Variants in ANKFN1 observed in about 807,000 individuals in gnomAD.
ANKFN1 encodes ankyrin repeat and fibronectin type-III domain-containing protein 1.
Under a neutral mutation model 108.7 loss-of-function variants are expected in ANKFN1, and 74 were observed. The ratio of observed to expected loss-of-function variants is 0.68; its 90% CI spans 0.56 to 0.83. ANKFN1 has a LOEUF of 0.83. Among genes scored for constraint, ANKFN1 ranks in the 40% least tolerant of loss-of-function variants. The probability of loss-of-function intolerance (pLI) is 0.00; values close to 1 mark genes in which losing one functional copy is unlikely to be tolerated. For missense variants in ANKFN1, 1,505 were observed against 1,382.3 expected (o/e 1.09, Z -1.41); for synonymous variants, 547 against 516.2 (o/e 1.06, Z -0.81).
chr17:56,305,925 T>C (rs565485145), intron 3 of ANKFN1, among the ~76,000 whole-genome samples: 2 of 152,306 alleles, frequency 1.3e-5, no homozygotes, highest in South Asian at 4.1e-4. Flanking sequence ...CTTTTCTATG[T>C]TGGATAATTT....
At chr17:56,381,829 C>T (rs1234403405) in intron 8 of ANKFN1, among the ~76,000 whole-genome samples, 15 of 152,084 alleles carry the variant, frequency 9.9e-5, no homozygotes, top group South Asian at 4.2e-4. Flanking sequence ...CTGAATGTGA[C>T]GGGGAGAATG....
At chr17:56,443,826 GC>G (rs1236151552) in intron 10 of ANKFN1, among the ~76,000 whole-genome samples, 1 of 152,170 alleles carries the variant, frequency 6.6e-6, no homozygotes, top group Non-Finnish European at 1.5e-5. Context: ...TATGTAATGA[GC>G]CCAGTACTCT....
chr17:56,221,096 G>A (rs1915866343), intron 2 of ANKFN1, among the ~76,000 whole-genome samples: 1 of 152,140 alleles, frequency 6.6e-6, no homozygotes, highest in Non-Finnish European at 1.5e-5. Context: ...GGGGAAGCAG[G>A]CAGGTCACAT....
intron 6 of ANKFN1, among the ~76,000 whole-genome samples, chr17:56,371,982 C>T (rs1365558535): frequency 1.3e-5 from 2 of 152,176 alleles, no homozygotes; most frequent in Non-Finnish European, 2.9e-5. Flanking sequence ...TACCATTACA[C>T]CACAATCAAA....
At chr17:56,120,182 C>T (rs935753310) in intron 4 of ANKFN1, among the ~76,000 whole-genome samples, 1 of 152,158 alleles carries the variant, frequency 6.6e-6, no homozygotes, top group Non-Finnish European at 1.5e-5. Context: ...CTCTTGTCAT[C>T]ATTGTCATTA....
At chr17:56,293,566 C>T (rs1040616302) in intron 3 of ANKFN1, among the ~76,000 whole-genome samples, 1 of 152,108 alleles carries the variant, frequency 6.6e-6, no homozygotes, top group Non-Finnish European at 1.5e-5. Flanking sequence ...ACAAAGTGAA[C>T]CTTTAAGTGT....
At chr17:56,424,178 C>T (rs554154832) in intron 8 of ANKFN1, among the ~76,000 whole-genome samples, 221 of 152,234 alleles carry the variant, frequency 1.5e-3, no homozygotes, top group Non-Finnish European at 2.6e-3. Context: ...AAAGCTTTAC[C>T]CTTCATCATG....
intron 14 of ANKFN1, 56 bp downstream of exon 14, chr17:56,458,035 A>T: frequency 6.9e-7 from 1 of 1,441,124 alleles, no homozygotes. Flanking sequence ...AATGTAGAAA[A>T]TTCAGTTACC....
intron 1 of ANKFN1, chr17:56,184,649 T>C (rs936614385): frequency 1.5e-4 from 23 of 152,216 alleles, no homozygotes; most frequent in Admixed American, 1.5e-3. Flanking sequence ...CCTCAAGGCA[T>C]ATACACATAT....
At chr17:56,357,237 AAT>A (rs545593405) in intron 6 of ANKFN1, among the ~76,000 whole-genome samples, 270 of 152,342 alleles carry the variant, frequency 1.8e-3, no homozygotes, top group African/African-American at 6.0e-3. Flanking sequence ...ATGGCAATGC[AAT>A]ATTGGTTGTG....
chr17:56,178,675 G>T (rs4794625), intron 1 of ANKFN1, among the ~76,000 whole-genome samples: 1 of 151,772 alleles, frequency 6.6e-6, no homozygotes, highest in African/African-American at 2.4e-5. Context: ...CAGGGTGGGC[G>T]GGAATGACAT....
intron 4 of ANKFN1, among the ~76,000 whole-genome samples, chr17:56,106,875 G>A (rs1479500521): frequency 6.6e-6 from 1 of 152,096 alleles, no homozygotes; most frequent in Non-Finnish European, 1.5e-5. Context: ...AGCCAGCTTA[G>A]GTAACTGAAG....
intron 8 of ANKFN1, among the ~76,000 whole-genome samples, chr17:56,429,456 A>C (rs2048681937): frequency 1.3e-5 from 2 of 152,246 alleles, no homozygotes; most frequent in Admixed American, 6.5e-5. Context: ...CCATTGAGAC[A>C]ATACATAAGC....
chr17:56,378,271 G>T (rs1255699316), intron 8 of ANKFN1, among the ~76,000 whole-genome samples: 1 of 152,120 alleles, frequency 6.6e-6, no homozygotes, highest in African/African-American at 2.4e-5. Flanking sequence ...AAGAAGGAGA[G>T]TCTACCATTG....
At chr17:56,151,243 G>A (rs1396036327), upstream of ANKFN1, among the ~76,000 whole-genome samples, 1 of 152,166 alleles carries the variant, frequency 6.6e-6, no homozygotes, top group African/African-American at 2.4e-5. Flanking sequence ...GGTGCAGTGA[G>A]GACAGGACCT....
intron 4 of ANKFN1, among the ~76,000 whole-genome samples, chr17:56,147,382 G>A (rs144075146): frequency 2.3e-3 from 351 of 152,026 alleles, no homozygotes; most frequent in Non-Finnish European, 3.0e-3. Flanking sequence ...ATAAAGAACT[G>A]CCTGAGACTG....
chr17:56,132,727 CTT>C (rs1907356051), intron 4 of ANKFN1, among the ~76,000 whole-genome samples: 1 of 152,054 alleles, frequency 6.6e-6, no homozygotes, highest in Admixed American at 6.6e-5. Context: ...TGAGGGCGCT[CTT>C]CTGGGTTGCA....
intron 2 of ANKFN1, among the ~76,000 whole-genome samples, chr17:56,223,521 A>G (rs1156267769): frequency 1.3e-5 from 2 of 152,232 alleles, no homozygotes; most frequent in Non-Finnish European, 2.9e-5. Flanking sequence ...AGGCTAGGAA[A>G]AAACAAAAAA....
chr17:56,505,508 A>G (rs1417396169), intron 20 of ANKFN1, among the ~76,000 whole-genome samples: 1 of 152,234 alleles, frequency 6.6e-6, no homozygotes, highest in Non-Finnish European at 1.5e-5. Flanking sequence ...CCCTTTGCTT[A>G]ATTTGTTCCT....
Sources: gnomAD v4.1 joint callset for allele counts (sites outside exome capture counted in the v4.1 genomes callset) on GRCh38, gnomAD v4.1.1 for gene constraint, MANE v1.5 for transcripts, NCBI Gene and HGNC (gene_info 2026-07-23, HGNC 2026-07-21) for gene names.